The following ZNF385D variants were observed in gnomAD, a reference collection of about 807,000 sequenced individuals.
ZNF385D encodes zinc finger protein 385D.
Under a neutral mutation model 35.8 loss-of-function variants are expected in ZNF385D, and 15 were observed. That is an observed-to-expected ratio of 0.42 (90% CI 0.28 to 0.64). The LOEUF (loss-of-function observed/expected upper bound fraction) is 0.64. Ranked by LOEUF, ZNF385D falls within the 30% of genes least tolerant of loss-of-function variation. The pLI, the probability that ZNF385D is intolerant of heterozygous loss-of-function variation, is 0.23. For synonymous variants in ZNF385D, 212 were observed against 186.8 expected (o/e 1.13, Z -1.10); for missense variants, 474 against 494.6 (o/e 0.96, Z 0.39).
At chr3:21,559,305 G>C (rs555657147) in intron 3 of ZNF385D, among the ~76,000 whole-genome samples, 1 of 152,206 alleles carries the variant, frequency 6.6e-6, no homozygotes, top group South Asian at 2.1e-4. Flanking sequence ...GCTGGTACCG[G>C]TTTTACCTTT....
rs372899156 is a variant in ZNF385D at position 21,896,597 on chromosome 3, C to G, written c.326-231569G>C. On this transcript the variant is annotated intron_variant, in intron 3 of 5. Transcript: ENST00000494108. ...CCTCGAACCAACAGCTATAAAAGAGCTTCCTATTTAGGAGGTACTTGATTG... is the reference window on the plus strand; with the variant it reads ...CCTCGAACCAACAGCTATAAAAGAGGTTCCTATTTAGGAGGTACTTGATTG... Among the ~76,000 whole-genome samples the G allele has an allele frequency of 9.9e-5, 15 of 152,202 alleles. No homozygotes were observed. The East Asian group carries it at 2.3e-3, about 24-fold the overall frequency.
chr3:22,237,035 G>T (rs1271756205), intron 2 of ZNF385D, among the ~76,000 whole-genome samples: 1 of 151,952 alleles, frequency 6.6e-6, no homozygotes, highest in Non-Finnish European at 1.5e-5. Context: ...AGTTGTCTTA[G>T]GTACACACCT....
chr3:22,350,660 T>C (rs995887527), intron 2 of ZNF385D, among the ~76,000 whole-genome samples: 30 of 152,098 alleles, frequency 2.0e-4, no homozygotes, highest in Admixed American at 1.8e-3. Context: ...CAAGTAACAA[T>C]ACTCCAAAAG....
chr3:21,614,915 T>C (rs993953776), intron 2 of ZNF385D, among the ~76,000 whole-genome samples: 1 of 152,156 alleles, frequency 6.6e-6, no homozygotes, highest in African/African-American at 2.4e-5. Context: ...CAGGTGCAGA[T>C]AGGTTATTTT....
intron 3 of ZNF385D, among the ~76,000 whole-genome samples, chr3:21,516,495 ACT>A (rs1277481742): frequency 1.3e-5 from 2 of 152,130 alleles, no homozygotes; most frequent in Non-Finnish European, 2.9e-5. Context: ...GATAAAGATG[ACT>A]CTAAATCACT....
At chr3:22,290,116 C>T (rs1702225404) in intron 2 of ZNF385D, among the ~76,000 whole-genome samples, 2 of 152,128 alleles carry the variant, frequency 1.3e-5, no homozygotes, top group South Asian at 4.1e-4. Flanking sequence ...GTCCATTATG[C>T]TTCCAAGGCA....
At chr3:22,318,819 G>C (rs1157990332) in intron 2 of ZNF385D, among the ~76,000 whole-genome samples, 1 of 152,124 alleles carries the variant, frequency 6.6e-6, no homozygotes, top group East Asian at 1.9e-4. Context: ...AAAAGACAAT[G>C]ATTAGCAGAC....
At chr3:21,691,314 T>C (rs1238751234) in intron 1 of ZNF385D, among the ~76,000 whole-genome samples, 1 of 152,198 alleles carries the variant, frequency 6.6e-6, no homozygotes, top group African/African-American at 2.4e-5. Context: ...TCCTCTCTGC[T>C]ACTTGGCAAT....
At position 22,122,437 on chromosome 3, in the gene ZNF385D, A is replaced by G. The variant is rs114370239; in HGVS notation, c.325+46380T>C. ...CATAAAATTATAGTAAGTATATCAAATGAAATATTGTCTACTATGAAAAAT... is the reference window on the plus strand; with the variant it reads ...CATAAAATTATAGTAAGTATATCAAGTGAAATATTGTCTACTATGAAAAAT... On this transcript the variant is annotated intron_variant, in intron 3 of 5. Coordinates refer to the ZNF385D transcript ENST00000494108. 4.1e-3 allele frequency among the ~76,000 whole-genome samples: 618 copies of G among 152,254 alleles called. 2 individuals carry two copies. Among genetic ancestry groups the G allele is most frequent in the Non-Finnish European group, 6.8e-3 (464 of 68,016 alleles).
At chr3:21,742,271 A>G (rs1264898120) in intron 1 of ZNF385D, among the ~76,000 whole-genome samples, 5 of 152,246 alleles carry the variant, frequency 3.3e-5, no homozygotes, top group African/African-American at 9.6e-5. Context: ...GACAAAGTAC[A>G]TACTTGAACC....
intron 3 of ZNF385D, among the ~76,000 whole-genome samples, chr3:22,111,378 G>A (rs1032888527): frequency 3.3e-5 from 5 of 151,898 alleles, no homozygotes; most frequent in African/African-American, 1.2e-4. Flanking sequence ...GATGCTAGCA[G>A]AGCAGTAATC....
At chr3:22,305,525 C>T (rs1371127855) in intron 2 of ZNF385D, among the ~76,000 whole-genome samples, 1 of 152,164 alleles carries the variant, frequency 6.6e-6, no homozygotes, top group Non-Finnish European at 1.5e-5. Flanking sequence ...ATGTCATCTT[C>T]CCCGTGTCTC....
intron 3 of ZNF385D, among the ~76,000 whole-genome samples, chr3:21,929,042 C>G (rs1275219013): frequency 6.6e-6 from 1 of 152,100 alleles, no homozygotes; most frequent in African/African-American, 2.4e-5. Context: ...AGCTATAATT[C>G]AATATCTCTC....
At chr3:21,981,509 G>A (rs545898986) in intron 3 of ZNF385D, among the ~76,000 whole-genome samples, 17 of 152,180 alleles carry the variant, frequency 1.1e-4, no homozygotes, top group South Asian at 1.0e-3. Context: ...CTCTCATTCC[G>A]TAGGTTGTTT....
intron 3 of ZNF385D, among the ~76,000 whole-genome samples, chr3:22,079,268 T>A (rs562610107): frequency 8.9e-6 from 1 of 111,956 alleles, no homozygotes; most frequent in East Asian, 2.0e-4. Context: ...CCAAACAAAT[T>A]GATCAAATGA....
rs898756058 is a variant in ZNF385D at position 21,567,941 on chromosome 3, A to T, written c.166-3257T>A. Among the ~76,000 whole-genome samples the T allele has an allele frequency of 6.6e-5, 10 of 152,288 alleles. No individual in the cohort carries two copies. In the South Asian group the frequency reaches 2.1e-3, roughly 32 times the overall value. ...TTCGTGCAAATGTAATATAGTCTTT[A>T]GATTAAGTTATTTTGTTTGAATTGA... On this transcript the variant is annotated intron_variant, in intron 2 of 7. Transcript: ENST00000281523.
At position 22,162,661 on chromosome 3, in the gene ZNF385D, A is replaced by G. The variant is rs138928252; in HGVS notation, c.325+6156T>C. 2.0e-4 allele frequency among the ~76,000 whole-genome samples: 31 copies of G among 152,282 alleles called. No individual in the cohort carries two copies. The East Asian group carries it at 4.6e-3, about 23-fold the overall frequency. On this transcript the variant is annotated intron_variant, in intron 3 of 5. Coordinates refer to the ZNF385D transcript ENST00000494108. ...TACGCAGTAGGCAGCCATTCTTTCT[A>G]TAACCTCAGGATAAGGTATAAACTT... is the stretch of plus-strand genomic sequence containing the variant.
At chr3:22,028,320 C>T (rs1280457803) in intron 3 of ZNF385D, among the ~76,000 whole-genome samples, 3 of 152,184 alleles carry the variant, frequency 2.0e-5, no homozygotes, top group Non-Finnish European at 4.4e-5. Flanking sequence ...CCAGCCACCT[C>T]TGTCATCGCC....
At chr3:21,498,143 A>C (rs180929426) in intron 4 of ZNF385D, among the ~76,000 whole-genome samples, 69 of 152,276 alleles carry the variant, frequency 4.5e-4, no homozygotes, top group African/African-American at 1.6e-3. Flanking sequence ...AATAAATGGT[A>C]CTGGGATAAG....
Sources: allele counts gnomAD v4.1 joint callset (sites outside exome capture counted in the v4.1 genomes callset), GRCh38; gene constraint gnomAD v4.1.1; transcripts MANE v1.5; gene names NCBI Gene and HGNC (gene_info 2026-07-23, HGNC 2026-07-21).